Variants in PCYOX1 observed in about 807,000 individuals in gnomAD.
The protein encoded by PCYOX1 is prenylcysteine lyase.
PCYOX1 carries 46 observed loss-of-function variants against 46.4 expected under a neutral mutation model. The ratio of observed to expected loss-of-function variants is 0.99; its 90% CI spans 0.78 to 1.27. PCYOX1 has a LOEUF of 1.27. Among genes scored for constraint, PCYOX1 ranks in the 50% most tolerant of loss-of-function variants. PCYOX1 has a pLI of 0.00. For missense variants in PCYOX1, 658 were observed against 628.3 expected (o/e 1.05, Z -0.51); for synonymous variants, 220 against 231.8 (o/e 0.95, Z 0.46).
chr2:70,264,886 C>T (rs1287882539), intron 3 of PCYOX1, among the ~76,000 whole-genome samples: 1 of 151,782 alleles, frequency 6.6e-6, no homozygotes, highest in African/African-American at 2.4e-5. Context: ...GGAGGCGCAG[C>T]TAATGCCAGC....
At chr2:70,260,101 C>A (rs945767903) in intron 2 of PCYOX1, among the ~76,000 whole-genome samples, 14 of 152,188 alleles carry the variant, frequency 9.2e-5, no homozygotes, top group Admixed American at 8.5e-4. Context: ...AGGGGTGAGC[C>A]ACCGTGCCCG....
intron 5 of PCYOX1, among the ~76,000 whole-genome samples, chr2:70,276,460 C>T (rs987073470): frequency 2.0e-5 from 3 of 152,150 alleles, no homozygotes; most frequent in African/African-American, 2.4e-5. Flanking sequence ...CCCACCTCGG[C>T]CTCCCAAAGT....
At chr2:70,259,210 A>C in intron 1 of PCYOX1, 150 bp from the exon 2 acceptor site, 1 of 673,604 alleles carries the variant, frequency 1.5e-6, no homozygotes, top group Non-Finnish European at 2.6e-6. Context: ...AGGGAGTTAG[A>C]CCTTCGCTGC....
At chr2:70,265,638 C>T (rs980134091) in intron 3 of PCYOX1, among the ~76,000 whole-genome samples, 1 of 152,192 alleles carries the variant, frequency 6.6e-6, no homozygotes, top group Non-Finnish European at 1.5e-5. Flanking sequence ...ATGCTACGCA[C>T]AGTAACTAGA....
intron 3 of PCYOX1, among the ~76,000 whole-genome samples, chr2:70,266,569 T>A (rs546717359): frequency 2.0e-5 from 3 of 152,038 alleles, no homozygotes; most frequent in Admixed American, 1.3e-4. Context: ...CGGATAAACA[T>A]GTGAACAAAG....
chr2:70,279,759 G>C lies in PCYOX1; in HGVS notation c.*2367G>C, dbSNP rs1200543735. 2 of 151,960 alleles carry C rather than the reference G, an allele frequency of 1.3e-5. No individual in the cohort carries two copies. Among genetic ancestry groups the C allele is most frequent in the Non-Finnish European group, 2.9e-5 (2 of 68,136 alleles). The allele number at this position is 151,960 out of a possible 1,614,324, so 9.4% of individuals were successfully genotyped here. A position where few individuals can be genotyped will look rare whatever the true frequency, so the allele number is the denominator to read the frequency against. The stretch of plus-strand genomic sequence containing the variant: ...AGATCGCACCACTGCACTCCAGCCT[G>C]GCAACAGAGCGAGACTCTGTCTCAG... On this transcript the variant is annotated 3_prime_UTR_variant, in exon 6 of 6. Transcript: ENST00000433351.
chr2:70,276,800 A>G lies in PCYOX1; in HGVS notation c.926A>G (p.Asp309Gly), dbSNP rs751597698. Residue 309 changes from aspartate (D) to glycine (G), a missense_variant, in exon 6 of 6, where the codon GAC becomes GGC. Transcript: ENST00000433351. ...IGTETRSDFYDIVLVATPLNR... is the reference protein window; with the variant it reads ...IGTETRSDFYGIVLVATPLNR... ...ACTGAGACTCGTTCAGACTTCTATG[A>G]CATCGTCTTGGTGGCCACTCCGTTG... 7 of 1,612,670 alleles carry G rather than the reference A, an allele frequency of 4.3e-6. No individual in the cohort carries two copies. Among genetic ancestry groups the G allele is most frequent in the South Asian group, 1.1e-5 (1 of 91,026 alleles).
intron 5 of PCYOX1, 148 bp downstream of exon 5, chr2:70,275,814 A>G: frequency 2.5e-6 from 2 of 802,814 alleles, no homozygotes; most frequent in East Asian, 2.8e-5. Context: ...ATATTCCCCA[A>G]TGGGCCAGGC....
In PCYOX1 at chr2:70,280,775, A is replaced by G. The variant is rs1249463029; in HGVS notation, c.*3383A>G. ...ACATTTTCTATAATTAGGAAATGCCATTTAAGAGTGAGAGAGGTATATATC... is the reference window on the plus strand; with the variant it reads ...ACATTTTCTATAATTAGGAAATGCCGTTTAAGAGTGAGAGAGGTATATATC... On this transcript the variant is annotated 3_prime_UTR_variant, in exon 6 of 6. Transcript: ENST00000433351. 2 of 152,212 alleles carry G rather than the reference A, an allele frequency of 1.3e-5. No individual in the cohort carries two copies. Among genetic ancestry groups the G allele is most frequent in the African/African-American group, 4.8e-5 (2 of 41,450 alleles). The allele number at this position is 152,212 out of a possible 1,614,324, so 9.4% of individuals were successfully genotyped here. A position where few individuals can be genotyped will look rare whatever the true frequency, so the allele number is the denominator to read the frequency against.
intron 2 of PCYOX1, among the ~76,000 whole-genome samples, 190 bp from the exon 3 acceptor site, chr2:70,261,022 C>T (rs1696427987): frequency 6.6e-6 from 1 of 152,218 alleles, no homozygotes; most frequent in Non-Finnish European, 1.5e-5. Flanking sequence ...ACATGATCAT[C>T]TGACCCATCG....
At chr2:70,262,725 T>C (rs990777513) in intron 3 of PCYOX1, among the ~76,000 whole-genome samples, 1 of 151,994 alleles carries the variant, frequency 6.6e-6, no homozygotes, top group Non-Finnish European at 1.5e-5. Flanking sequence ...GTGATCCGCC[T>C]GCCTCAGCCT....
chr2:70,258,528 G>C, intron 1 of PCYOX1: 1 of 361,882 alleles, frequency 2.8e-6, no homozygotes, highest in South Asian at 3.9e-5. Context: ...AGGGGCGGGC[G>C]GGCAGGCAGG....
In PCYOX1 at chr2:70,277,001, C is replaced by T; in HGVS notation, c.1127C>T (p.Ser376Leu). 1 of 1,613,870 alleles carries T rather than the reference C, an allele frequency of 6.2e-7. No individual in the cohort carries two copies. The highest frequency in any genetic ancestry group is 8.5e-7 in the Non-Finnish European group (1 of 1,179,832). Residue 376 changes from serine (S) to leucine (L), a missense_variant, in exon 6 of 6, where the codon TCA (serine) becomes TTA (leucine). Coordinates refer to ENST00000433351, the MANE Select transcript of PCYOX1 (RefSeq NM_016297.4). ...AATACAGTTTTAACCACTGATAATT[C>T]AGATTTGTTCATTAACAGTATTGGG... ...GLNTVLTTDN[S>L]DLFINSIGIV...
rs111364386 is a variant in PCYOX1 at position 70,263,665 on chromosome 2, C to CTT, written c.494+2290_494+2291dup. On this transcript the variant is annotated intron_variant, in intron 3 of 5. Transcript: ENST00000433351. The stretch of plus-strand genomic sequence containing the variant: ...GTGTGTATTGTTTTTCTTTTCTTTT[C>CTT]TTTTTTTTTTTTGAGATAGAGTCTC... Among the ~76,000 whole-genome samples, 948 of 144,848 alleles carry CTT rather than the reference C, an allele frequency of 6.5e-3. 12 individuals are homozygous for CTT. Among genetic ancestry groups the CTT allele is most frequent in the African/African-American group, 0.023 (906 of 39,728 alleles).
chr2:70,259,888 T>C (rs1415713248), intron 2 of PCYOX1, among the ~76,000 whole-genome samples: 1 of 152,140 alleles, frequency 6.6e-6, no homozygotes, highest in African/African-American at 2.4e-5. Flanking sequence ...CGATCTTGGC[T>C]CACTGCAACC....
chr2:70,267,910 C>G (rs771238689), intron 3 of PCYOX1, among the ~76,000 whole-genome samples: 1 of 152,092 alleles, frequency 6.6e-6, no homozygotes, highest in Non-Finnish European at 1.5e-5. Flanking sequence ...CTCCTGGGTT[C>G]AAGCAGTTCT....
intron 3 of PCYOX1, among the ~76,000 whole-genome samples, chr2:70,267,414 G>A (rs1696542251): frequency 1.3e-5 from 2 of 152,146 alleles, no homozygotes; most frequent in South Asian, 4.1e-4. Context: ...TGCAATCTCA[G>A]CACTTTTGGG....
rs1027128308 is a variant in PCYOX1 at position 70,275,158 on chromosome 2, A to C, written c.694A>C (p.Asn232His). The change falls in exon 4 of 6, where the codon AAT becomes CAT. Residue 232 changes from asparagine to histidine, a missense_variant. Physicochemically the swap from Asn to His is moderately conservative, Grantham distance 68. Transcript: ENST00000433351. ...RVNYGQSTDINAFVGAVSLSC... is the reference protein window; with the variant it reads ...RVNYGQSTDIHAFVGAVSLSC... ...CAATTATGGCCAAAGCACGGACATC[A>C]ATGCCTTTGTGGGTAAGCCAGGGCT... The C allele has an allele frequency of 1.9e-6, 3 of 1,613,144 alleles. No individual in the cohort carries two copies. The highest frequency in any genetic ancestry group is 1.3e-5 in the African/African-American group (1 of 74,900).
upstream of PCYOX1, chr2:70,257,999 AG>A (rs1696366962): frequency 2.1e-6 from 1 of 487,780 alleles, no homozygotes; most frequent in Non-Finnish European, 3.5e-6. Flanking sequence ...GAGCTCCTGC[AG>A]GGTTGAGAGG....
Sources: allele counts gnomAD v4.1 joint callset (sites outside exome capture counted in the v4.1 genomes callset), GRCh38; gene constraint gnomAD v4.1.1; transcripts MANE v1.5; gene names NCBI Gene and HGNC (gene_info 2026-07-23, HGNC 2026-07-21).